The following CTNNA3 variants were observed in gnomAD, a reference collection of about 807,000 sequenced individuals.
The protein encoded by CTNNA3 is catenin alpha-3.
In CTNNA3, 76 loss-of-function variants were observed where a neutral mutation model predicts 95.7. The ratio of observed to expected loss-of-function variants is 0.79; its 90% CI spans 0.66 to 0.96. The LOEUF (loss-of-function observed/expected upper bound fraction) is 0.96, where lower values mean the gene tolerates loss of function less well. Ranked by LOEUF, CTNNA3 falls within the 40% of genes least tolerant of loss-of-function variation. The probability of loss-of-function intolerance (pLI) is 0.00; values close to 1 mark genes in which losing one functional copy is unlikely to be tolerated. For missense variants in CTNNA3, 1,191 were observed against 1,089.8 expected (o/e 1.09, Z -1.31); for synonymous variants, 431 against 374.4 (o/e 1.15, Z -1.74).
intron 5 of CTNNA3, among the ~76,000 whole-genome samples, chr10:67,342,663 C>A (rs1464970154): frequency 1.3e-5 from 2 of 152,106 alleles, no homozygotes; most frequent in African/African-American, 4.8e-5. Flanking sequence ...CATGGATATC[C>A]AGTTTTCCCA....
intron 17 of CTNNA3, among the ~76,000 whole-genome samples, chr10:65,959,559 C>T (rs1003461361): frequency 6.6e-6 from 1 of 152,140 alleles, no homozygotes; most frequent in African/African-American, 2.4e-5. Context: ...AGGTCTGGCT[C>T]TATCACCCAG....
At chr10:67,062,675 A>C (rs955857873) in intron 7 of CTNNA3, among the ~76,000 whole-genome samples, 1 of 152,310 alleles carries the variant, frequency 6.6e-6, no homozygotes, top group South Asian at 2.1e-4. Context: ...TCAATTCTGC[A>C]TCATCTCTGC....
intron 12 of CTNNA3, among the ~76,000 whole-genome samples, chr10:66,352,205 C>G (rs547745367): frequency 6.6e-6 from 1 of 152,006 alleles, no homozygotes; most frequent in African/African-American, 2.4e-5. Flanking sequence ...TAACAAGGCC[C>G]CAGCAGTCAG....
rs973242801 is a variant in CTNNA3, at chr10:67,070,023, T to C, written c.1047+110294A>G. On this transcript the variant is annotated intron_variant, in intron 7 of 17. Transcript: ENST00000433211. ...CATTTATACACCCACTAGCAGACCATGAGAACTTCCATTGCTCTACATCGT... is the reference window on the plus strand; with the variant it reads ...CATTTATACACCCACTAGCAGACCACGAGAACTTCCATTGCTCTACATCGT... Among the ~76,000 whole-genome samples, 7 of 152,356 alleles carry C rather than the reference T, an allele frequency of 4.6e-5. No individual in the cohort carries two copies. In the South Asian group the frequency reaches 1.4e-3, roughly 32 times the overall value.
chr10:66,371,831 C>A (rs2092756766), intron 12 of CTNNA3, among the ~76,000 whole-genome samples: 1 of 152,110 alleles, frequency 6.6e-6, no homozygotes, highest in African/African-American at 2.4e-5. Flanking sequence ...AAGGTGTGGG[C>A]ACATGATTTA....
intron 7 of CTNNA3, among the ~76,000 whole-genome samples, chr10:67,102,728 AC>A (rs1858411408): frequency 6.6e-6 from 1 of 151,876 alleles, no homozygotes; most frequent in African/African-American, 2.4e-5. Context: ...CTAAAATATT[AC>A]CTGCTAATTT....
At chr10:67,286,497 C>T (rs1839608031) in intron 5 of CTNNA3, among the ~76,000 whole-genome samples, 1 of 152,190 alleles carries the variant, frequency 6.6e-6, no homozygotes, top group African/African-American at 2.4e-5. Context: ...GTGAAGATTA[C>T]ATTATATAGC....
At chr10:66,189,873 C>T (rs1461532459) in intron 13 of CTNNA3, among the ~76,000 whole-genome samples, 1 of 151,786 alleles carries the variant, frequency 6.6e-6, no homozygotes, top group East Asian at 1.9e-4. Context: ...GAGTAATTCT[C>T]TAATTTTTTA....
chr10:67,191,285 T>C (rs1278439251), intron 6 of CTNNA3, among the ~76,000 whole-genome samples: 3 of 151,936 alleles, frequency 2.0e-5, no homozygotes, highest in African/African-American at 4.8e-5. Flanking sequence ...ATAAAAGGCA[T>C]ACAAATCAGG....
At chr10:66,129,117 A>G (rs1420476901) in intron 13 of CTNNA3, among the ~76,000 whole-genome samples, 1 of 152,152 alleles carries the variant, frequency 6.6e-6, no homozygotes, top group African/African-American at 2.4e-5. Flanking sequence ...ATACAAAATT[A>G]GCTGGGCGTG....
chr10:65,921,982 C>T (rs980109469), intron 17 of CTNNA3, among the ~76,000 whole-genome samples: 2 of 151,920 alleles, frequency 1.3e-5, no homozygotes, highest in African/African-American at 4.8e-5. Context: ...TCATAGCAAC[C>T]CTATGAGGTA....
intron 7 of CTNNA3, among the ~76,000 whole-genome samples, chr10:66,809,682 G>A (rs1468489770): frequency 1.3e-5 from 2 of 152,130 alleles, no homozygotes; most frequent in Admixed American, 6.6e-5. Context: ...TATATTAAAG[G>A]ATCAATCTTC....
chr10:66,331,338 G>GCTTGTTTTTTTT lies in CTNNA3; in HGVS notation c.1732+47813_1732+47814insAAAAAAAACAAG, dbSNP rs1417713676. On this transcript the variant is annotated intron_variant, in intron 12 of 17. Transcript: ENST00000433211. ...TTAAATATGGACTCCTTTCCCCATT[G>GCTTGTTTTTTTT]TTTGTTTTTTTTTTTTTTTTTTTTT... 2.0e-3 allele frequency among the ~76,000 whole-genome samples: 77 copies of GCTTGTTTTTTTT among 39,108 alleles called. 5 individuals carry two copies. The highest frequency in any genetic ancestry group is 2.9e-3 in the African/African-American group (41 of 13,982). 25.7% of individuals were successfully genotyped at this position (39,108 alleles called of 152,430 possible).
Position 66,440,985 on chromosome 10 carries a change from A to C in CTNNA3, c.1532-61633T>G, listed in dbSNP as rs1012097992. On this transcript the variant is annotated intron_variant, in intron 11 of 17. Transcript: ENST00000433211. ...TCTCATTTATTAATAACTGTAAGTGAGTTCCTACTATGTACTTCTCTGGCA... is the reference window on the plus strand; with the variant it reads ...TCTCATTTATTAATAACTGTAAGTGCGTTCCTACTATGTACTTCTCTGGCA... Among the ~76,000 whole-genome samples the C allele has an allele frequency of 3.3e-5, 5 of 150,462 alleles. No homozygotes were observed. In the Admixed American group the frequency reaches 3.3e-4, roughly 10 times the overall value.
intron 2 of CTNNA3, among the ~76,000 whole-genome samples, chr10:67,635,489 T>C (rs1319403518): frequency 2.0e-5 from 3 of 152,134 alleles, no homozygotes; most frequent in African/African-American, 7.2e-5. Flanking sequence ...GTTGTCTTCA[T>C]CCCTGGGATG....
chr10:66,859,617 AG>A (rs1226749462), intron 7 of CTNNA3, among the ~76,000 whole-genome samples: 27 of 148,766 alleles, frequency 1.8e-4, no homozygotes, highest in Non-Finnish European at 1.5e-4. Flanking sequence ...GAGATTCCTC[AG>A]GGATCTAGAA....
At chr10:66,712,150 C>T (rs897067426) in intron 9 of CTNNA3, among the ~76,000 whole-genome samples, 2 of 152,186 alleles carry the variant, frequency 1.3e-5, no homozygotes, top group African/African-American at 2.4e-5. Context: ...ATATGTGCTG[C>T]AAATCTTAGA....
intron 13 of CTNNA3, among the ~76,000 whole-genome samples, chr10:66,138,359 A>C (rs1247867561): frequency 6.6e-6 from 1 of 152,214 alleles, no homozygotes; most frequent in African/African-American, 2.4e-5. Context: ...CAAACTTTGA[A>C]TACTGACTAT....
intron 1 of CTNNA3, among the ~76,000 whole-genome samples, chr10:67,726,322 TTA>T (rs1383314877): frequency 2.6e-5 from 2 of 75,952 alleles, no homozygotes; most frequent in African/African-American, 5.9e-5. Flanking sequence ...ATTATATATA[TTA>T]TCTTACATAT....
Sources: allele counts gnomAD v4.1 joint callset (sites outside exome capture counted in the v4.1 genomes callset), GRCh38; gene constraint gnomAD v4.1.1; transcripts MANE v1.5; gene names NCBI Gene and HGNC (gene_info 2026-07-23, HGNC 2026-07-21).